The following LINGO2 variants were observed in gnomAD, a reference collection of about 807,000 sequenced individuals.
The protein encoded by LINGO2 is leucine-rich repeat and immunoglobulin-like domain-containing nogo receptor-interacting protein 2.
Under a neutral mutation model 30.6 loss-of-function variants are expected in LINGO2, and 14 were observed. The observed-to-expected ratio is 0.46, with a 90% confidence interval of 0.30 to 0.72. LINGO2 has a LOEUF of 0.72. Ranked by LOEUF, LINGO2 falls within the 30% of genes least tolerant of loss-of-function variation. LINGO2 has a pLI of 0.07. For synonymous variants in LINGO2, 317 were observed against 288.5 expected, an observed-to-expected ratio of 1.10 and a Z score of -1.00; for missense variants, 729 against 751.7, an observed-to-expected ratio of 0.97 and a Z score of 0.35.
the LINGO2 span, among the ~76,000 whole-genome samples, chr9:28,910,748 C>T: frequency 6.6e-6 from 1 of 151,860 alleles, no homozygotes; most frequent in African/African-American, 2.4e-5. Context: ...AACCATGAAC[C>T]AATTAAAGTT....
chr9:28,740,364 AT>A, the LINGO2 span, among the ~76,000 whole-genome samples: 1 of 151,774 alleles, frequency 6.6e-6, no homozygotes, highest in Non-Finnish European at 1.5e-5. Context: ...ATCCATGTAT[AT>A]TTTTGAATTG....
intron 5 of LINGO2, among the ~76,000 whole-genome samples, chr9:27,975,745 TTTCTGAAAG>T (rs1820562592): frequency 6.6e-6 from 1 of 152,148 alleles, no homozygotes; most frequent in African/African-American, 2.4e-5. Flanking sequence ...CATAAAACTG[TTTCTGAAAG>T]TTCTGAAAGG....
chr9:28,815,716 T>A, the LINGO2 span, among the ~76,000 whole-genome samples: 11 of 152,166 alleles, frequency 7.2e-5, no homozygotes, highest in East Asian at 1.7e-3. Flanking sequence ...ATAGTTTATT[T>A]CATTTGGACT....
the LINGO2 span, among the ~76,000 whole-genome samples, chr9:29,210,837 T>C: frequency 2.6e-5 from 4 of 152,282 alleles, no homozygotes; most frequent in South Asian, 8.3e-4. Context: ...CTCAAAACAT[T>C]TTACTGGTTT....
intron 5 of LINGO2, among the ~76,000 whole-genome samples, chr9:27,999,303 T>C (rs1396467415): frequency 2.6e-5 from 4 of 152,042 alleles, no homozygotes; most frequent in Non-Finnish European, 4.4e-5. Flanking sequence ...AATGGAGGAA[T>C]GCCTGGGTAA....
chr9:28,970,878 C>A, the LINGO2 span, among the ~76,000 whole-genome samples: 2 of 152,144 alleles, frequency 1.3e-5, no homozygotes, highest in Non-Finnish European at 2.9e-5. Flanking sequence ...GGAGGGCACA[C>A]CACCTATTGA....
the LINGO2 span, among the ~76,000 whole-genome samples, chr9:28,944,581 T>C: frequency 6.6e-6 from 1 of 152,070 alleles, no homozygotes; most frequent in African/African-American, 2.4e-5. Context: ...AATTTTTGTA[T>C]TTTTAGTAGA....
chr9:28,348,092 T>A (rs1267482356), intron 3 of LINGO2, among the ~76,000 whole-genome samples: 1 of 152,160 alleles, frequency 6.6e-6, no homozygotes, highest in East Asian at 1.9e-4. Flanking sequence ...GCAGTGATTG[T>A]AATCTAATGA....
intron 1 of LINGO2, among the ~76,000 whole-genome samples, chr9:28,611,914 G>A (rs892464045): frequency 6.6e-6 from 1 of 151,642 alleles, no homozygotes; most frequent in Admixed American, 6.6e-5. Context: ...TCCGCCTCCC[G>A]GGTTCACACC....
At chr9:28,403,414 C>T (rs1822353997) in intron 2 of LINGO2, among the ~76,000 whole-genome samples, 1 of 152,260 alleles carries the variant, frequency 6.6e-6, no homozygotes, top group East Asian at 1.9e-4. Flanking sequence ...CATGGCTACA[C>T]CTTCTCTTCA....
chr9:28,545,397 T>C (rs188620564), intron 1 of LINGO2, among the ~76,000 whole-genome samples: 61 of 152,174 alleles, frequency 4.0e-4, no homozygotes, highest in African/African-American at 1.2e-3. Flanking sequence ...ACTGGCCCAA[T>C]TAAAATATAT....
chr9:29,209,888 C>A, the LINGO2 span, among the ~76,000 whole-genome samples: 3 of 151,874 alleles, frequency 2.0e-5, no homozygotes, highest in African/African-American at 7.3e-5. Context: ...CTTAAGGATA[C>A]AACACAACCA....
At chr9:28,582,121 A>AT (rs897498615) in intron 1 of LINGO2, among the ~76,000 whole-genome samples, 8 of 151,984 alleles carry the variant, frequency 5.3e-5, no homozygotes, top group Non-Finnish European at 1.2e-4. Context: ...TTGATAAATT[A>AT]TTTTAAAATG....
At chr9:28,047,793 G>C (rs1237448046) in intron 4 of LINGO2, among the ~76,000 whole-genome samples, 1 of 50,174 alleles carries the variant, frequency 2.0e-5, no homozygotes, top group East Asian at 5.0e-4. Flanking sequence ...AACAAGAAAA[G>C]AGCAAAGTAT....
At chr9:29,072,511 T>G in the LINGO2 span, among the ~76,000 whole-genome samples, 1 of 151,580 alleles carries the variant, frequency 6.6e-6, no homozygotes, top group East Asian at 1.9e-4. Flanking sequence ...TAAAGCTGTT[T>G]AATTATATGT....
intron 4 of LINGO2, among the ~76,000 whole-genome samples, chr9:28,091,888 T>C (rs1587835595): frequency 6.6e-6 from 1 of 152,034 alleles, no homozygotes. Flanking sequence ...GGGTGAAGGA[T>C]ATGAACAGAC....
At chr9:28,192,917 A>G (rs1347015484) in intron 4 of LINGO2, among the ~76,000 whole-genome samples, 1 of 152,166 alleles carries the variant, frequency 6.6e-6, no homozygotes, top group Non-Finnish European at 1.5e-5. Context: ...AAGATAAAAT[A>G]ATTTCAACAA....
chr9:28,575,151 C>A (rs1190324367), intron 1 of LINGO2, among the ~76,000 whole-genome samples: 9 of 152,094 alleles, frequency 5.9e-5, no homozygotes, highest in Admixed American at 2.0e-4. Flanking sequence ...CGCCTGTAAT[C>A]CCAGCACTTT....
At chr9:29,179,513 T>C in the LINGO2 span, among the ~76,000 whole-genome samples, 1 of 152,064 alleles carries the variant, frequency 6.6e-6, no homozygotes, top group African/African-American at 2.4e-5. Context: ...CAAGCAATTC[T>C]CCTGCCTCAG....
Sources: gnomAD v4.1 joint callset for allele counts (sites outside exome capture counted in the v4.1 genomes callset) on GRCh38, gnomAD v4.1.1 for gene constraint, MANE v1.5 for transcripts, NCBI Gene and HGNC (gene_info 2026-07-23, HGNC 2026-07-21) for gene names.